SGCZ: variants seen among roughly 807,000 people sequenced by gnomAD.
SGCZ encodes sarcoglycan zeta, also known as zeta-sarcoglycan.
In SGCZ, 40 loss-of-function variants were observed where a neutral mutation model predicts 41.3. The observed-to-expected ratio is 0.97, with a 90% CI of 0.75 to 1.26. SGCZ has a LOEUF of 1.26. Ranked by LOEUF, SGCZ falls within the 50% of genes most tolerant of loss-of-function variation. The pLI is 0.00. For synonymous variants in SGCZ, 206 were observed against 137.5 expected (o/e 1.50, Z -3.49); for missense variants, 552 against 369.8 (o/e 1.49, Z -4.04).
chr8:14,804,748 G>A (rs1157297281), intron 1 of SGCZ, among the ~76,000 whole-genome samples: 4 of 102,970 alleles, frequency 3.9e-5, no homozygotes, highest in Non-Finnish European at 6.2e-5. Flanking sequence ...GATACTCCTC[G>A]AGAAGAGCAA....
chr8:14,207,851 T>C (rs1585232546), intron 4 of SGCZ, among the ~76,000 whole-genome samples: 1 of 152,298 alleles, frequency 6.6e-6, no homozygotes, highest in Non-Finnish European at 1.5e-5. Context: ...AAAAATATAC[T>C]TGATATGCGA....
At chr8:14,165,133 G>C (rs894517358) in intron 4 of SGCZ, 1 of 155,348 alleles carries the variant, frequency 6.4e-6, no homozygotes. Context: ...GCTACATCAC[G>C]GAGGACTTGT....
At chr8:14,702,159 CTGGAAGTAATAACACAGT>C (rs1410135031) in intron 1 of SGCZ, among the ~76,000 whole-genome samples, 4 of 151,970 alleles carry the variant, frequency 2.6e-5, no homozygotes, top group African/African-American at 9.7e-5. Flanking sequence ...GCCCACCCCG[CTGGAAGTAATAACACAGT>C]TGACAGTTTT....
chr8:14,301,168 G>A (rs1191871604), intron 3 of SGCZ, among the ~76,000 whole-genome samples: 2 of 151,762 alleles, frequency 1.3e-5, no homozygotes, highest in Non-Finnish European at 2.9e-5. Context: ...AATGCATCTA[G>A]TTTAGTATTA....
At chr8:14,491,922 A>G (rs1300975568) in intron 2 of SGCZ, among the ~76,000 whole-genome samples, 1 of 152,140 alleles carries the variant, frequency 6.6e-6, no homozygotes, top group Non-Finnish European at 1.5e-5. Flanking sequence ...ATCACAGAAT[A>G]ATAAATTGCT....
intron 2 of SGCZ, among the ~76,000 whole-genome samples, chr8:14,415,747 A>C (rs1196211343): frequency 6.6e-6 from 1 of 151,846 alleles, no homozygotes; most frequent in Middle Eastern, 3.2e-3. Flanking sequence ...AGTTCAAAAG[A>C]CTCAGATGCA....
intron 2 of SGCZ, among the ~76,000 whole-genome samples, chr8:14,477,597 A>G (rs1287035130): frequency 6.6e-6 from 1 of 152,266 alleles, no homozygotes; most frequent in East Asian, 1.9e-4. Context: ...CTAAAACAAT[A>G]TATACAAAAG....
intron 1 of SGCZ, among the ~76,000 whole-genome samples, chr8:14,878,083 T>C (rs1230888227): frequency 2.0e-5 from 3 of 152,094 alleles, no homozygotes; most frequent in Non-Finnish European, 2.9e-5. Flanking sequence ...AGTGTCTCAA[T>C]TGCAGTTCCC....
intron 1 of SGCZ, among the ~76,000 whole-genome samples, chr8:14,616,429 A>T (rs1240239454): frequency 6.6e-6 from 1 of 152,140 alleles, no homozygotes; most frequent in Non-Finnish European, 1.5e-5. Context: ...GCCTATAATT[A>T]CTCTATTTTT....
intron 1 of SGCZ, among the ~76,000 whole-genome samples, chr8:14,670,437 T>C (rs948455397): frequency 1.3e-5 from 2 of 152,166 alleles, no homozygotes; most frequent in Non-Finnish European, 2.9e-5. Context: ...TGTTTCAAGG[T>C]GCCTGGAAAA....
intron 2 of SGCZ, among the ~76,000 whole-genome samples, chr8:14,523,060 G>T (rs1020417737): frequency 1.3e-5 from 2 of 151,938 alleles, no homozygotes; most frequent in East Asian, 3.9e-4. Context: ...TTTGAATGAA[G>T]TGTGGAAAAC....
rs888271684 is a variant in SGCZ at position 14,349,816 on chromosome 8, C to A, written c.235-25612G>T. 2.0e-5 allele frequency among the ~76,000 whole-genome samples: 3 copies of A among 152,020 alleles called. No homozygotes were observed. In the South Asian group the frequency reaches 6.2e-4, roughly 31 times the overall value. Reference sequence around the variant, plus strand: ...AAAGTGTATCTTCTGGAATAACAGTCCAAGTAGACATGCCATAAAAAAGTT... The same window carrying A: ...AAAGTGTATCTTCTGGAATAACAGTACAAGTAGACATGCCATAAAAAAGTT... On this transcript the variant is annotated intron_variant, in intron 2 of 7. Coordinates refer to ENST00000382080, the MANE Select transcript of SGCZ (RefSeq NM_139167.4).
chr8:14,240,327 C>CAAAAAAAAA (rs59351247), intron 3 of SGCZ, among the ~76,000 whole-genome samples: 68 of 115,212 alleles, frequency 5.9e-4, no homozygotes, highest in African/African-American at 2.0e-3. Context: ...AACTCTGTGT[C>CAAAAAAAAA]AAAAAAAAAA....
At chr8:14,235,208 T>C (rs1484399484) in intron 4 of SGCZ, among the ~76,000 whole-genome samples, 4 of 152,234 alleles carry the variant, frequency 2.6e-5, no homozygotes, top group Non-Finnish European at 5.9e-5. Context: ...TTGTTTCAAA[T>C]ATGAATACAT....
At chr8:14,225,066 A>T (rs1195051188) in intron 4 of SGCZ, among the ~76,000 whole-genome samples, 1 of 152,164 alleles carries the variant, frequency 6.6e-6, no homozygotes, top group Admixed American at 6.5e-5. Flanking sequence ...AAAGCTACTT[A>T]TTCCTAAGAA....
intron 1 of SGCZ, among the ~76,000 whole-genome samples, chr8:14,766,515 A>T (rs1474575830): frequency 6.6e-6 from 1 of 152,028 alleles, no homozygotes; most frequent in African/African-American, 2.4e-5. Context: ...TTAATCAAAA[A>T]GACAATAATA....
chr8:14,614,700 G>T (rs1307104188), intron 1 of SGCZ, among the ~76,000 whole-genome samples: 1 of 152,044 alleles, frequency 6.6e-6, no homozygotes, highest in African/African-American at 2.4e-5. Context: ...ACTACAGAGG[G>T]AAAATGTGTA....
At chr8:14,483,967 C>T (rs1801604495) in intron 2 of SGCZ, among the ~76,000 whole-genome samples, 1 of 152,142 alleles carries the variant, frequency 6.6e-6, no homozygotes, top group Non-Finnish European at 1.5e-5. Flanking sequence ...CTTCTCTCTA[C>T]TTGGCATCCA....
chr8:14,930,093 G>C lies in SGCZ; in HGVS notation c.39+307492C>G, dbSNP rs549050214. On this transcript the variant is annotated intron_variant, in intron 1 of 7. Coordinates refer to ENST00000382080, the MANE Select transcript of SGCZ (RefSeq NM_139167.4). ...CTTTATTAAACTGGGAATGACTTAC[G>C]AATCATATGATATTGTGAATTAAAT... 9.2e-4 allele frequency among the ~76,000 whole-genome samples: 140 copies of C among 151,990 alleles called. 1 individual carries two copies. The highest frequency in any genetic ancestry group is 2.6e-3 in the African/African-American group (107 of 41,352).
Sources: allele counts gnomAD v4.1 joint callset (sites outside exome capture counted in the v4.1 genomes callset), GRCh38; gene constraint gnomAD v4.1.1; transcripts MANE v1.5; gene names NCBI Gene and HGNC (gene_info 2026-07-23, HGNC 2026-07-21).